Variants in PCLO observed in about 807,000 individuals in gnomAD.
PCLO encodes the protein piccolo presynaptic cytomatrix protein, also known as protein piccolo.
In PCLO, 82 loss-of-function variants were observed where a neutral mutation model predicts 427.5. The ratio of observed to expected loss-of-function variants is 0.19; its 90% CI spans 0.16 to 0.23. The LOEUF is 0.23. PCLO is among the 10% of genes least tolerant of loss of function. The pLI is 1.00. For synonymous variants in PCLO, 2,357 were observed against 2,155.4 expected (o/e 1.09, Z -2.59); for missense variants, 6,239 against 6,115.9 (o/e 1.02, Z -0.67).
rs902864934 is a variant in PCLO at position 82,956,380 on chromosome 7, G to A, written c.4573C>T (p.Pro1525Ser). 4 of 1,613,322 alleles carry A rather than the reference G, an allele frequency of 2.5e-6. No individual in the cohort carries two copies. The highest frequency in any genetic ancestry group is 3.4e-6 in the Non-Finnish European group (4 of 1,179,836). The change falls in exon 5 of 25, where the codon CCA (proline) becomes TCA (serine). Residue 1525 changes from proline (P) to serine (S), a missense_variant. This residue lies in a region of PCLO where 4,677 missense variants were observed against 4,468.4 expected (regional missense o/e 1.05). Transcript: ENST00000333891. ...ACACTAGTTCTTCGTTTTCTTTGTG[G>A]AACAGGTGAGTTTTCACTTTCACTA... ...ESSESENSPV[P>S]QRKRRTSVGS...
chr7:82,952,423 A>C lies in PCLO; in HGVS notation c.8530T>G (p.Phe2844Val). 6.2e-7 allele frequency: 1 copy of C among 1,613,880 alleles called. No individual in the cohort carries two copies. Among genetic ancestry groups the C allele is most frequent in the Non-Finnish European group, 8.5e-7 (1 of 1,179,842 alleles). ...GGTGCTTCTTCCCTAGCTATAGGAA[A>C]GACCTGGTCACTTGGTATCCTGTAT... ...PPYRIPSDQV[F>V]PIAREEAPIN... The change falls in exon 5 of 25, where the codon TTT becomes GTT. Residue 2844 changes from phenylalanine (F) to valine (V), a missense_variant. This residue lies in a region of PCLO where 4,677 missense variants were observed against 4,468.4 expected (regional missense o/e 1.05). Transcript: ENST00000333891.
chr7:82,821,863 A>G, intron 20 of PCLO: 2 of 982,986 alleles, frequency 2.0e-6, no homozygotes, highest in Non-Finnish European at 2.4e-6. Context: ...GAATGTAAGA[A>G]ATAAGATTTT....
chr7:82,845,303 A>C lies in PCLO; in HGVS notation c.14014T>G (p.Ser4672Ala), dbSNP rs1311620519. ...VPSPGQPGSPSVSKKKHGSSK... is the reference protein window; with the variant it reads ...VPSPGQPGSPAVSKKKHGSSK... ...CTGCCGTGCTTCTTTTTGCTCACTG[A>C]GGGGGACCCTGGTTGCCCAGGGCTG... The change falls in exon 13 of 25, where the codon TCA (serine) becomes GCA (alanine). Residue 4672 changes from serine to alanine, a missense_variant. Ser to Ala is a moderately conservative substitution (Grantham distance 99). Transcript: ENST00000333891. 6.2e-7 allele frequency: 1 copy of C among 1,613,392 alleles called. No homozygotes were observed.
At position 82,908,896 on chromosome 7, in the gene PCLO, A is replaced by G; in HGVS notation, c.13418T>C (p.Leu4473Pro). Residue 4473 changes from leucine (L) to proline (P), a missense_variant, in exon 8 of 25, where the codon CTC (leucine) becomes CCC (proline). By Grantham distance (98) the Leu-to-Pro change is moderately conservative. Transcript: ENST00000333891. ...LPERLVHSRP[L>P]SQHQEQIIQM... is the part of the protein sequence containing the mutation. ...ACTTACTTGCTCTTGATGTTGACTG[A>G]GTGGTCTAGAGTGGACCAATCTTTC... The G allele has an allele frequency of 6.2e-7, 1 of 1,612,272 alleles. No homozygotes were observed. The highest frequency in any genetic ancestry group is 8.5e-7 in the Non-Finnish European group (1 of 1,178,918).
chr7:83,037,988 CTT>C (rs1788837580), intron 3 of PCLO, among the ~76,000 whole-genome samples: 2 of 14,274 alleles, frequency 1.4e-4, no homozygotes, highest in Admixed American at 1.3e-3. Flanking sequence ...TAAGGAGGAG[CTT>C]ATATATATAT....
At chr7:82,933,200 C>G (rs1794878742) in intron 6 of PCLO, among the ~76,000 whole-genome samples, 1 of 151,944 alleles carries the variant, frequency 6.6e-6, no homozygotes, top group African/African-American at 2.4e-5. Context: ...TTGGACTAGT[C>G]TTTGAGTTGT....
At chr7:82,775,845 G>A (rs1790738733) in intron 22 of PCLO, among the ~76,000 whole-genome samples, 2 of 152,106 alleles carry the variant, frequency 1.3e-5, no homozygotes, top group Admixed American at 1.3e-4. Context: ...TTGCATTAAA[G>A]TCTATAATTC....
At chr7:82,803,687 T>TA (rs1791404469) in intron 21 of PCLO, among the ~76,000 whole-genome samples, 1 of 152,180 alleles carries the variant, frequency 6.6e-6, no homozygotes, top group Admixed American at 6.5e-5. Flanking sequence ...TTTTATAATT[T>TA]ATATTTTTAA....
intron 9 of PCLO, among the ~76,000 whole-genome samples, chr7:82,885,528 G>T (rs1793606860): frequency 6.6e-6 from 1 of 152,100 alleles, no homozygotes; most frequent in Non-Finnish European, 1.5e-5. Flanking sequence ...AATTTGTTAT[G>T]CAGTGACAGA....
chr7:82,939,708 T>C (rs1795036279), intron 6 of PCLO, among the ~76,000 whole-genome samples: 1 of 148,230 alleles, frequency 6.7e-6, no homozygotes, highest in Non-Finnish European at 1.5e-5. Context: ...TGGAAATATA[T>C]ATTATACATA....
chr7:82,889,086 T>C (rs1793697338), intron 9 of PCLO, among the ~76,000 whole-genome samples: 1 of 152,036 alleles, frequency 6.6e-6, no homozygotes, highest in Admixed American at 6.6e-5. Context: ...CAAGTCTTCC[T>C]GTAGGACCTA....
At position 82,758,583 on chromosome 7, in the gene PCLO, T is replaced by C. The variant is rs1195712788; in HGVS notation, c.15421A>G (p.Thr5141Ala). The change falls in exon 25 of 25, where the codon ACG (threonine) becomes GCG (alanine). Residue 5141 changes from threonine to alanine, a missense_variant. Thr to Ala is a moderately conservative substitution (Grantham distance 58, BLOSUM62 0). Around this residue, in one of 5 missense-constraint regions of PCLO, gnomAD observed 877 missense variants for 925.5 expected, o/e 0.95. Coordinates refer to ENST00000333891, the MANE Select transcript of PCLO (RefSeq NM_033026.6). ...TGAGAAGACATGTTTCTTCAATGCG[T>C]TTGAGTAGGACTGACCAAAAGTTTG... ...WHKLLVSPTQ[T>A]H 6.2e-7 allele frequency: 1 copy of C among 1,607,482 alleles called. No individual in the cohort carries two copies. The highest frequency in any genetic ancestry group is 8.5e-7 in the Non-Finnish European group (1 of 1,176,888).
At position 83,135,520 on chromosome 7, in the gene PCLO, G is replaced by A; in HGVS notation, c.2030C>T (p.Pro677Leu). 1.2e-6 allele frequency: 2 copies of A among 1,613,700 alleles called. No homozygotes were observed. Among genetic ancestry groups the A allele is most frequent in the South Asian group, 2.2e-5 (2 of 91,050 alleles). Residue 677 changes from proline (P) to leucine (L), a missense_variant, in exon 3 of 25, where the codon CCA becomes CTA. Pro to Leu is a moderately conservative substitution (Grantham distance 98). This residue lies in a region of PCLO where 4,677 missense variants were observed against 4,468.4 expected (regional missense o/e 1.05). Transcript: ENST00000333891. ...TTTSAVSKSSPQPQQTSPKKD... is the reference protein window; with the variant it reads ...TTTSAVSKSSLQPQQTSPKKD... ...CTTTGGGGAAGTCTGCTGTGGCTGT[G>A]GGGATGATTTGCTCACTGCTGATGT...
intron 3 of PCLO, among the ~76,000 whole-genome samples, chr7:83,011,544 T>C (rs902611211): frequency 3.3e-5 from 5 of 151,154 alleles, no homozygotes; most frequent in African/African-American, 9.8e-5. Flanking sequence ...TACAAATAAA[T>C]AGGATCAAGA....
intron 16 of PCLO, among the ~76,000 whole-genome samples, chr7:82,830,696 A>G (rs1792072770): frequency 1.3e-5 from 2 of 152,048 alleles, no homozygotes; most frequent in Non-Finnish European, 2.9e-5. Context: ...AAGTTCTAAA[A>G]AATACATAAT....
At chr7:82,868,074 T>C (rs1382257389) in intron 10 of PCLO, 1 of 454,974 alleles carries the variant, frequency 2.2e-6, no homozygotes, top group African/African-American at 2.0e-5. Flanking sequence ...TTAAGGAATT[T>C]TGAGAAATCT....
chr7:82,910,029 T>C (rs891792962), intron 7 of PCLO, among the ~76,000 whole-genome samples: 1 of 152,110 alleles, frequency 6.6e-6, no homozygotes, highest in Non-Finnish European at 1.5e-5. Context: ...ATATAGAATT[T>C]TCCTTTTAAT....
At chr7:82,892,036 A>C in intron 9 of PCLO, among the ~76,000 whole-genome samples, 1 of 152,278 alleles carries the variant, frequency 6.6e-6, no homozygotes, top group Non-Finnish European at 1.5e-5. Flanking sequence ...CATCCCCATT[A>C]AGCTTCCAAT....
intron 3 of PCLO, among the ~76,000 whole-genome samples, chr7:83,125,584 C>T (rs1331301301): frequency 6.6e-6 from 1 of 152,174 alleles, no homozygotes; most frequent in Non-Finnish European, 1.5e-5. Context: ...TATAACCTTA[C>T]CCCCAACCCC....
Sources: allele counts gnomAD v4.1 joint callset (sites outside exome capture counted in the v4.1 genomes callset), GRCh38; gene constraint gnomAD v4.1.1; regional missense constraint gnomAD v4.1.1; transcripts MANE v1.5; gene names NCBI Gene and HGNC (gene_info 2026-07-23, HGNC 2026-07-21).